Variants in FKBP3 observed in about 807,000 individuals in gnomAD.
FKBP3 encodes the protein FKBP prolyl isomerase 3, also known as peptidyl-prolyl cis-trans isomerase FKBP3.
In FKBP3, 21 loss-of-function variants were observed where a neutral mutation model predicts 30.6. The observed-to-expected ratio is 0.69, with a 90% CI of 0.49 to 0.99. FKBP3 has a LOEUF of 0.99. Among genes scored for constraint, FKBP3 ranks in the 50% least tolerant of loss-of-function variants. FKBP3 has a pLI of 0.00. For synonymous variants in FKBP3, 82 were observed against 91.3 expected, an observed-to-expected ratio of 0.90 and a Z score of 0.58; for missense variants, 283 against 261.6, an observed-to-expected ratio of 1.08 and a Z score of -0.56.
At chr14:45,123,160 G>C (rs1377866240) in intron 3 of FKBP3, among the ~76,000 whole-genome samples, 1 of 147,664 alleles carries the variant, frequency 6.8e-6, no homozygotes, top group African/African-American at 2.5e-5. Flanking sequence ...ACCACTGGGC[G>C]ACAGAGCAAG....
chr14:45,124,641 C>T (rs1885059386), intron 3 of FKBP3, among the ~76,000 whole-genome samples: 1 of 151,432 alleles, frequency 6.6e-6, no homozygotes, highest in Non-Finnish European at 1.5e-5. Flanking sequence ...AGATATTTTA[C>T]AGTAGTGTGA....
intron 5 of FKBP3, among the ~76,000 whole-genome samples, chr14:45,118,649 CAAAA>C (rs933096573): frequency 1.4e-5 from 2 of 145,816 alleles, no homozygotes; most frequent in African/African-American, 5.0e-5. Context: ...AAACAAAAAA[CAAAA>C]AAAAAACTTT....
At chr14:45,121,029 A>G in intron 4 of FKBP3, 75 bp from the exon 5 acceptor site, 1 of 1,204,614 alleles carries the variant, frequency 8.3e-7, no homozygotes. Flanking sequence ...GGAAATTATT[A>G]AATTCCAGTG....
intron 5 of FKBP3, among the ~76,000 whole-genome samples, chr14:45,120,424 G>T (rs879509595): frequency 6.6e-6 from 1 of 152,170 alleles, no homozygotes; most frequent in Non-Finnish European, 1.5e-5. Flanking sequence ...AGGTGAAAAG[G>T]CTGCAGAAAC....
At chr14:45,125,042 C>T (rs1885067888) in intron 3 of FKBP3, among the ~76,000 whole-genome samples, 1 of 152,166 alleles carries the variant, frequency 6.6e-6, no homozygotes, top group South Asian at 2.1e-4. Context: ...TCAGCCTCCC[C>T]AGCAGCTGGG....
intron 4 of FKBP3, 94 bp from the exon 5 acceptor site, chr14:45,121,048 T>C (rs936844878): frequency 9.6e-7 from 1 of 1,042,958 alleles, no homozygotes; most frequent in African/African-American, 1.6e-5. Flanking sequence ...TGGAAAAATA[T>C]AGTGGTTTGA....
chr14:45,129,723 G>T, intron 3 of FKBP3, 71 bp downstream of exon 3: 2 of 960,734 alleles, frequency 2.1e-6, no homozygotes, highest in Non-Finnish European at 3.0e-6. Context: ...AGAAGTTAGT[G>T]CAAATAATAA....
intron 5 of FKBP3, among the ~76,000 whole-genome samples, chr14:45,118,361 G>A (rs1884903522): frequency 6.6e-6 from 1 of 152,150 alleles, no homozygotes; most frequent in South Asian, 2.1e-4. Flanking sequence ...AACCTTTTGG[G>A]GCTCATACCT....
At chr14:45,125,979 A>G (rs1457745923) in intron 3 of FKBP3, among the ~76,000 whole-genome samples, 2 of 151,956 alleles carry the variant, frequency 1.3e-5, no homozygotes, top group Non-Finnish European at 2.9e-5. Context: ...TCTCACTACA[A>G]TCTCTGGCTC....
chr14:45,121,632 A>G lies in FKBP3; in HGVS notation c.319-12T>C. ...TATTTTGGTGGACCCTAAAAACAAAAAACAACACACACACACAGAGTTATT... is the reference window on the plus strand; with the variant it reads ...TATTTTGGTGGACCCTAAAAACAAAGAACAACACACACACACAGAGTTATT... On this transcript the variant is annotated splice_polypyrimidine_tract_variant and intron_variant, in intron 3 of 6. Transcript: ENST00000396062. The G allele has an allele frequency of 6.2e-7, 1 of 1,611,988 alleles. No individual in the cohort carries two copies. The highest frequency in any genetic ancestry group is 2.2e-5 in the East Asian group (1 of 44,800).
intron 1 of FKBP3, among the ~76,000 whole-genome samples, chr14:45,132,793 GA>G (rs1885249275): frequency 6.6e-6 from 1 of 152,100 alleles, no homozygotes. Context: ...CAAGTCTGTT[GA>G]AATTCTTCCA....
At chr14:45,120,266 C>G (rs1009707584) in intron 5 of FKBP3, among the ~76,000 whole-genome samples, 1 of 152,186 alleles carries the variant, frequency 6.6e-6, no homozygotes, top group African/African-American at 2.4e-5. Context: ...ACTCTTTTAT[C>G]TTCTTTTGTA....
chr14:45,123,713 C>T (rs1885037161), intron 3 of FKBP3, among the ~76,000 whole-genome samples: 1 of 142,682 alleles, frequency 7.0e-6, no homozygotes, highest in African/African-American at 2.6e-5. Context: ...CTCCCGGGTT[C>T]ACGCCATTCT....
rs75728940 is a variant in FKBP3, at chr14:45,128,926, A to G, written c.318+868T>C. On this transcript the variant is annotated intron_variant, in intron 3 of 6. Coordinates refer to ENST00000396062, the MANE Select transcript of FKBP3 (RefSeq NM_002013.4). ...TTACCTTAGTAGCTACTCAATAGAT[A>G]TAACATTTATTAAATATTAATTGTG... Among the ~76,000 whole-genome samples, 672 of 152,376 alleles carry G rather than the reference A, an allele frequency of 4.4e-3. 5 individuals carry two copies. The highest frequency in any genetic ancestry group is 6.7e-3 in the Non-Finnish European group (458 of 68,032).
At chr14:45,132,200 C>G (rs1405968177) in intron 1 of FKBP3, among the ~76,000 whole-genome samples, 1 of 152,008 alleles carries the variant, frequency 6.6e-6, no homozygotes, top group African/African-American at 2.4e-5. Flanking sequence ...AAGATATGTT[C>G]TAAATAACAG....
chr14:45,116,970 A>C (rs1162472553), intron 6 of FKBP3, among the ~76,000 whole-genome samples: 1 of 140,906 alleles, frequency 7.1e-6, no homozygotes, highest in East Asian at 2.1e-4. Flanking sequence ...TGACCATTTG[A>C]TTTCCCCGCC....
intron 3 of FKBP3, among the ~76,000 whole-genome samples, chr14:45,122,043 TATA>T (rs1884996432): frequency 1.3e-5 from 2 of 152,202 alleles, no homozygotes; most frequent in South Asian, 4.1e-4. Flanking sequence ...TAGGTGTTTT[TATA>T]ATAACCAATT....
intron 1 of FKBP3, among the ~76,000 whole-genome samples, chr14:45,131,757 A>T (rs1240874079): frequency 6.6e-6 from 1 of 152,136 alleles, no homozygotes; most frequent in Non-Finnish European, 1.5e-5. Context: ...AAGAGTTGAT[A>T]TAAGGATAAA....
chr14:45,118,045 T>G lies in FKBP3; in HGVS notation c.603A>C (p.Lys201Asn). The G allele has an allele frequency of 6.2e-7, 1 of 1,601,512 alleles. No homozygotes were observed. Among genetic ancestry groups the G allele is most frequent in the East Asian group, 2.2e-5 (1 of 44,534 alleles). Residue 201 changes from lysine to asparagine, a missense_variant, in exon 6 of 7, where the codon AAA (lysine) becomes AAC (asparagine). By Grantham distance (94) the Lys-to-Asn change is moderately conservative (BLOSUM62 0). Transcript: ENST00000396062. Reference protein sequence around the residue: ...EIEPEWAYGKKGQPDAKIPPN... With the variant: ...EIEPEWAYGKNGQPDAKIPPN... ...AAGGATACTTGGCATCAGGCTGTCC[T>G]TTCTTTCCGTAAGCCCATTCTGGTT...
Sources: allele counts gnomAD v4.1 joint callset (sites outside exome capture counted in the v4.1 genomes callset), GRCh38; gene constraint gnomAD v4.1.1; transcripts MANE v1.5; gene names NCBI Gene and HGNC (gene_info 2026-07-23, HGNC 2026-07-21).